The following MYO1D variants were observed in gnomAD, a reference collection of about 807,000 sequenced individuals.
MYO1D encodes the protein unconventional myosin-Id.
MYO1D carries 83 observed loss-of-function variants against 122.0 expected under a neutral mutation model. That is an observed-to-expected ratio of 0.68 (90% CI 0.57 to 0.82). MYO1D has a LOEUF of 0.82. Ranked by LOEUF, MYO1D falls within the 40% of genes least tolerant of loss-of-function variation. The pLI is 0.00. For synonymous variants in MYO1D, 464 were observed against 446.9 expected (o/e 1.04, Z -0.48); for missense variants, 1,157 against 1,269.5 (o/e 0.91, Z 1.35).
chr17:32,673,086 G>T, intron 16 of MYO1D, among the ~76,000 whole-genome samples: 1 of 70,462 alleles, frequency 1.4e-5, no homozygotes, highest in Non-Finnish European at 3.0e-5. Flanking sequence ...ACATAAACAT[G>T]CTACTTTTTT....
chr17:32,593,274 G>C (rs914187946), intron 21 of MYO1D, among the ~76,000 whole-genome samples: 2 of 152,234 alleles, frequency 1.3e-5, no homozygotes, highest in Admixed American at 1.3e-4. Flanking sequence ...CACTACAGGA[G>C]AGTGAACCTG....
chr17:32,579,855 A>G (rs1567896710), intron 21 of MYO1D, among the ~76,000 whole-genome samples: 1 of 152,268 alleles, frequency 6.6e-6, no homozygotes, highest in Non-Finnish European at 1.5e-5. Flanking sequence ...AGTTCACTGT[A>G]TGGATATAAC....
intron 21 of MYO1D, among the ~76,000 whole-genome samples, chr17:32,581,549 C>G (rs114353483): frequency 0.014 from 2,064 of 150,546 alleles, 42 homozygotes; most frequent in African/African-American, 0.048. Context: ...CTCTCTCTCT[C>G]TCTTTCCCTC....
intron 21 of MYO1D, among the ~76,000 whole-genome samples, chr17:32,531,719 G>A (rs1910512558): frequency 6.6e-6 from 1 of 151,476 alleles, no homozygotes; most frequent in Non-Finnish European, 1.5e-5. Flanking sequence ...CATAATGATG[G>A]ATAGCGGAGA....
chr17:32,746,551 T>A (rs2089840208), intron 12 of MYO1D, among the ~76,000 whole-genome samples: 1 of 152,220 alleles, frequency 6.6e-6, no homozygotes, highest in Admixed American at 6.5e-5. Context: ...TATACATGTA[T>A]ATAAATGTTT....
At chr17:32,734,953 C>G (rs547069997) in intron 14 of MYO1D, 1 of 151,818 alleles carries the variant, frequency 6.6e-6, no homozygotes, top group East Asian at 1.9e-4. Context: ...GTGGCACACA[C>G]CTGTAATCCC....
intron 16 of MYO1D, among the ~76,000 whole-genome samples, chr17:32,662,639 T>C (rs1024207501): frequency 6.6e-6 from 1 of 151,918 alleles, no homozygotes; most frequent in Non-Finnish European, 1.5e-5. Context: ...CACCATTGCA[T>C]TGCAGCCTGG....
At position 32,780,802 on chromosome 17, in the gene MYO1D, A is replaced by G. The variant is rs775984219; in HGVS notation, c.96-18T>C. 1 of 1,611,112 alleles carries G rather than the reference A, an allele frequency of 6.2e-7. No homozygotes were observed. Among genetic ancestry groups the G allele is most frequent in the Non-Finnish European group, 8.5e-7 (1 of 1,177,466 alleles). ...TTTCAAATCTGTACAGAAGCAAAAG[A>G]AAAGGAAGACGTAGCTGTGGTTACA... On this transcript the variant is annotated intron_variant, in intron 1 of 21. Transcript: ENST00000318217.
intron 1 of MYO1D, among the ~76,000 whole-genome samples, chr17:32,807,445 G>A (rs1340889772): frequency 6.6e-6 from 1 of 152,046 alleles, no homozygotes; most frequent in Non-Finnish European, 1.5e-5. Context: ...TTGTCTGTAT[G>A]TGATATATAT....
chr17:32,758,602 GGC>G (rs2089970671), intron 10 of MYO1D, among the ~76,000 whole-genome samples: 1 of 152,128 alleles, frequency 6.6e-6, no homozygotes, highest in Admixed American at 6.6e-5. Context: ...TAGTACAGAT[GGC>G]ATAAGACTGG....
At chr17:32,557,896 A>G (rs1597896515) in intron 21 of MYO1D, among the ~76,000 whole-genome samples, 1 of 151,824 alleles carries the variant, frequency 6.6e-6, no homozygotes, top group Admixed American at 6.6e-5. Context: ...TTATGTCCAC[A>G]CTCCACAGCC....
chr17:32,513,770 C>T (rs1233506605), intron 21 of MYO1D, among the ~76,000 whole-genome samples: 1 of 151,878 alleles, frequency 6.6e-6, no homozygotes, highest in Non-Finnish European at 1.5e-5. Context: ...GCCCGCACAG[C>T]TGTGTCTCAG....
intron 1 of MYO1D, chr17:32,862,978 T>C (rs1567676710): frequency 6.6e-6 from 1 of 152,294 alleles, no homozygotes; most frequent in East Asian, 1.9e-4. Context: ...TTTTAAAAGC[T>C]GGGTGATCAT....
chr17:32,876,726 CT>C lies in MYO1D; in HGVS notation c.95+51del, dbSNP rs940566192. On this transcript the variant is annotated intron_variant, in intron 1 of 21. Transcript: ENST00000318217. ...ATCCGGCCGCGCCCCGAGGCGCCCC[CT>C]CTCGGGAAAGCGCAGCCTCGCGCCC... 2.8e-6 allele frequency: 4 copies of C among 1,429,370 alleles called. No individual in the cohort carries two copies. In the African/African-American group the frequency reaches 4.5e-5, roughly 16 times the overall value. The allele number at this position is 1,429,370 out of a possible 1,614,324, so 88.5% of individuals were successfully genotyped here.
chr17:32,553,577 C>T (rs1398596506), intron 21 of MYO1D, among the ~76,000 whole-genome samples: 1 of 152,172 alleles, frequency 6.6e-6, no homozygotes, highest in Non-Finnish European at 1.5e-5. Context: ...AGGTATCTTG[C>T]TAGAAAGTTC....
intron 1 of MYO1D, among the ~76,000 whole-genome samples, chr17:32,814,947 T>C (rs2090601127): frequency 6.6e-6 from 1 of 152,220 alleles, no homozygotes; most frequent in Admixed American, 6.5e-5. Flanking sequence ...CCAACAAAAG[T>C]GGCAGAGAAT....
chr17:32,556,792 T>C (rs192564160), intron 21 of MYO1D, among the ~76,000 whole-genome samples: 1 of 152,274 alleles, frequency 6.6e-6, no homozygotes, highest in Non-Finnish European at 1.5e-5. Context: ...ATTAAGACCA[T>C]GGGAATTAAA....
At chr17:32,803,880 C>T (rs1186818462) in intron 1 of MYO1D, among the ~76,000 whole-genome samples, 1 of 152,074 alleles carries the variant, frequency 6.6e-6, no homozygotes, top group Non-Finnish European at 1.5e-5. Context: ...ACAGTAATTA[C>T]CAGGAAATTT....
intron 1 of MYO1D, among the ~76,000 whole-genome samples, chr17:32,862,208 C>T (rs921705375): frequency 1.3e-5 from 2 of 152,218 alleles, no homozygotes; most frequent in Non-Finnish European, 2.9e-5. Flanking sequence ...ATTTCCATTT[C>T]CCCTATGGGG....
Sources: allele counts gnomAD v4.1 joint callset (sites outside exome capture counted in the v4.1 genomes callset), GRCh38; gene constraint gnomAD v4.1.1; transcripts MANE v1.5; gene names NCBI Gene and HGNC (gene_info 2026-07-23, HGNC 2026-07-21).